NBEA: variants seen among roughly 807,000 people sequenced by gnomAD.
NBEA encodes neurobeachin, also known as lysosomal-trafficking regulator 2.
In NBEA, 44 loss-of-function variants were observed where a neutral mutation model predicts 343.4. That is an observed-to-expected ratio of 0.13 (90% CI 0.10 to 0.16). NBEA has a LOEUF of 0.16. Among genes scored for constraint, NBEA ranks in the 10% least tolerant of loss-of-function variants. The pLI, the probability that NBEA is intolerant of heterozygous loss-of-function variation, is 1.00. For missense variants in NBEA, 2,555 were observed against 3,631.3 expected (o/e 0.70, Z 7.62); for synonymous variants, 1,175 against 1,238.7 (o/e 0.95, Z 1.08).
chr13:35,139,380 A>G (rs1240166909), intron 17 of NBEA, among the ~76,000 whole-genome samples: 1 of 152,164 alleles, frequency 6.6e-6, no homozygotes, highest in African/African-American at 2.4e-5. Flanking sequence ...ATCTTTGGCC[A>G]TCCCACAAAA....
intron 1 of NBEA, among the ~76,000 whole-genome samples, chr13:34,947,345 C>A (rs2059216347): frequency 6.6e-6 from 1 of 152,092 alleles, no homozygotes. Context: ...TTGGTAAATA[C>A]TATGCTGCTA....
chr13:35,478,014 G>T (rs1358237878), intron 41 of NBEA, among the ~76,000 whole-genome samples: 1 of 152,066 alleles, frequency 6.6e-6, no homozygotes, highest in Non-Finnish European at 1.5e-5. Context: ...CTTTAATTTA[G>T]ATGCCACGTC....
intron 38 of NBEA, among the ~76,000 whole-genome samples, chr13:35,368,659 T>C (rs2041260389): frequency 6.6e-6 from 1 of 151,630 alleles, no homozygotes; most frequent in Non-Finnish European, 1.5e-5. Context: ...CCAGATATTT[T>C]AAGTGGCTGT....
chr13:35,452,312 A>C (rs2046348609), intron 40 of NBEA, 77 bp downstream of exon 40: 2 of 1,084,308 alleles, frequency 1.8e-6, no homozygotes, highest in Non-Finnish European at 2.7e-6. Flanking sequence ...GTCTCCTAGT[A>C]AATAAATGTG....
At chr13:35,547,529 TATC>T (rs2153010429) in intron 41 of NBEA, among the ~76,000 whole-genome samples, 1 of 152,218 alleles carries the variant, frequency 6.6e-6, no homozygotes, top group African/African-American at 2.4e-5. Context: ...GTGATACAAT[TATC>T]ATATAAATTA....
intron 1 of NBEA, among the ~76,000 whole-genome samples, chr13:34,996,802 T>A (rs1343352117): frequency 6.6e-6 from 1 of 152,128 alleles, no homozygotes; most frequent in Non-Finnish European, 1.5e-5. Flanking sequence ...AATGTATGTA[T>A]TATGTGTTAA....
intron 10 of NBEA, among the ~76,000 whole-genome samples, chr13:35,073,291 T>A (rs2063957862): frequency 6.6e-6 from 1 of 152,212 alleles, no homozygotes; most frequent in Admixed American, 6.5e-5. Flanking sequence ...ATTTAGTTGA[T>A]AATAAATTGT....
At chr13:35,522,249 C>G (rs1219006474) in intron 41 of NBEA, among the ~76,000 whole-genome samples, 1 of 151,694 alleles carries the variant, frequency 6.6e-6, no homozygotes, top group African/African-American at 2.4e-5. Flanking sequence ...CTGAGGATCA[C>G]CTGAGGTCAG....
At chr13:35,186,919 T>C (rs900186934) in intron 30 of NBEA, among the ~76,000 whole-genome samples, 1 of 152,138 alleles carries the variant, frequency 6.6e-6, no homozygotes, top group Non-Finnish European at 1.5e-5. Flanking sequence ...ATTATATTTA[T>C]TGATATGTAA....
chr13:35,617,833 C>A (rs1268890176), intron 48 of NBEA, among the ~76,000 whole-genome samples: 4 of 152,042 alleles, frequency 2.6e-5, no homozygotes, highest in Non-Finnish European at 5.9e-5. Context: ...AAAAGTTTAA[C>A]CAGTTATCTA....
At position 35,159,481 on chromosome 13, in the gene NBEA, G is replaced by C; in HGVS notation, c.3310G>C (p.Val1104Leu). The change falls in exon 22 of 59, where the codon GTT becomes CTT. Residue 1104 changes from valine (V) to leucine (L), a missense_variant. By Grantham distance (32) the Val-to-Leu change is conservative (BLOSUM62 1). Around this residue, in one of 21 missense-constraint regions of NBEA, gnomAD observed 367 missense variants for 377.5 expected, o/e 0.97. Transcript: ENST00000379939. ...GTTGGATAATGTATATAGTGCTGCT[G>C]TTGAGAAACTCCAGAACAATGTACA... ...SLLDNVYSAAVEKLQNNVHGS... is the reference protein window; with the variant it reads ...SLLDNVYSAALEKLQNNVHGS... 1 of 1,613,272 alleles carries C rather than the reference G, an allele frequency of 6.2e-7. No homozygotes were observed. The highest frequency in any genetic ancestry group is 2.2e-5 in the East Asian group (1 of 44,796).
intron 36 of NBEA, among the ~76,000 whole-genome samples, chr13:35,324,931 C>T (rs936345870): frequency 6.6e-6 from 1 of 151,974 alleles, no homozygotes; most frequent in African/African-American, 2.4e-5. Context: ...TTTAGAACAA[C>T]AGAAAATACC....
At position 35,606,418 on chromosome 13, in the gene NBEA, C is replaced by T. The variant is rs367827624; in HGVS notation, c.7297-8C>T. 1.4e-6 allele frequency: 2 copies of T among 1,416,978 alleles called. No homozygotes were observed. Among genetic ancestry groups the T allele is most frequent in the Non-Finnish European group, 1.9e-6 (2 of 1,069,564 alleles). The allele number at this position is 1,416,978 out of a possible 1,614,324, so 87.8% of individuals were successfully genotyped here. On this transcript the variant is annotated splice_region_variant and splice_polypyrimidine_tract_variant and intron_variant, in intron 47 of 58. Coordinates refer to ENST00000379939, the MANE Select transcript of NBEA (RefSeq NM_001385012.1). ...TGGTTTAATATGCTTCATTTTTATT[C>T]CTGATAGGAACTAATTCCAGAGTTC... is the stretch of plus-strand genomic sequence containing the variant.
At chr13:35,637,893 G>A (rs576311986) in intron 49 of NBEA, among the ~76,000 whole-genome samples, 1 of 152,148 alleles carries the variant, frequency 6.6e-6, no homozygotes, top group East Asian at 1.9e-4. Flanking sequence ...AACAAAATGT[G>A]GGGTGGTGTA....
intron 6 of NBEA, among the ~76,000 whole-genome samples, chr13:35,054,571 A>C (rs1211507525): frequency 6.6e-6 from 1 of 151,496 alleles, no homozygotes. Flanking sequence ...TTATAGAAGC[A>C]CACTGTTGTT....
intron 41 of NBEA, chr13:35,475,934 T>C: frequency 6.2e-7 from 1 of 1,614,124 alleles, no homozygotes; most frequent in Non-Finnish European, 8.5e-7. Flanking sequence ...GTGGGGGAGA[T>C]GACCTCGAGG....
At chr13:35,270,745 T>A (rs562699237) in intron 34 of NBEA, among the ~76,000 whole-genome samples, 9 of 152,290 alleles carry the variant, frequency 5.9e-5, no homozygotes, top group Admixed American at 4.6e-4. Context: ...AGTGTGAGAT[T>A]GACCTGGGAT....
At chr13:35,595,622 C>A (rs2081757039) in intron 47 of NBEA, among the ~76,000 whole-genome samples, 2 of 152,038 alleles carry the variant, frequency 1.3e-5, no homozygotes. Flanking sequence ...AACATCTTTG[C>A]ACAGACATCC....
At chr13:35,261,358 A>G (rs981080110) in intron 34 of NBEA, among the ~76,000 whole-genome samples, 6 of 152,102 alleles carry the variant, frequency 3.9e-5, no homozygotes, top group African/African-American at 1.4e-4. Flanking sequence ...CTAAAAATAC[A>G]AAAATTAGCT....
Sources: gnomAD v4.1 joint callset for allele counts (sites outside exome capture counted in the v4.1 genomes callset) on GRCh38, gnomAD v4.1.1 for gene constraint, gnomAD v4.1.1 regional missense constraint, MANE v1.5 for transcripts, NCBI Gene and HGNC (gene_info 2026-07-23, HGNC 2026-07-21) for gene names.